SH3TC1: variants seen among roughly 807,000 people sequenced by gnomAD.
SH3TC1 encodes the protein SH3 domain and tetratricopeptide repeat-containing protein 1.
In SH3TC1, 135 loss-of-function variants were observed where a neutral mutation model predicts 117.3. The observed-to-expected ratio is 1.15, with a 90% CI of 1.00 to 1.33. The LOEUF is 1.33. Ranked by LOEUF, SH3TC1 falls within the 40% of genes most tolerant of loss-of-function variation. The probability of loss-of-function intolerance (pLI) is 0.00; values close to 1 mark genes in which losing one functional copy is unlikely to be tolerated. For missense variants in SH3TC1, 2,092 were observed against 1,794.3 expected (o/e 1.17, Z -3.00); for synonymous variants, 898 against 816.9 (o/e 1.10, Z -1.69).
At chr4:8,232,350 T>A in intron 13 of SH3TC1, 194 bp downstream of exon 13, 1 of 1,569,558 alleles carries the variant, frequency 6.4e-7, no homozygotes, top group South Asian at 1.1e-5. Context: ...AGTCCCAGCT[T>A]GAGCTTCCCT....
At position 8,212,742 on chromosome 4, in the gene SH3TC1, C is replaced by G; in HGVS notation, c.289C>G (p.Leu97Val). 1 of 1,612,932 alleles carries G rather than the reference C, an allele frequency of 6.2e-7. No homozygotes were observed. The highest frequency in any genetic ancestry group is 1.7e-5 in the Admixed American group (1 of 59,988). ...QLLAVRRKSR[L>V]RDPGLQQTLR... is the part of the protein sequence containing the mutation. The stretch of plus-strand genomic sequence containing the variant: ...GCTGGCTGTGCGGAGGAAGAGCAGA[C>G]TGCGGGACCCCGGCCTACAGCAGAC... Residue 97 changes from leucine (L) to valine (V), a missense_variant, in exon 4 of 18, where the codon CTG (leucine) becomes GTG (valine). Leu to Val is a conservative substitution (Grantham distance 32, BLOSUM62 1). Coordinates refer to ENST00000245105, the MANE Select transcript of SH3TC1 (RefSeq NM_018986.5).
At chr4:8,207,096 AAT>A (rs1554132374) in intron 2 of SH3TC1, among the ~76,000 whole-genome samples, 105 of 135,880 alleles carry the variant, frequency 7.7e-4, no homozygotes, top group South Asian at 1.2e-3. Flanking sequence ...AAAAAAAAAA[AAT>A]TCCTGGGTCA....
In SH3TC1 at chr4:8,205,329, A is replaced by T; in HGVS notation, c.135A>T (p.Lys45Asn). Reference sequence around the variant, plus strand: ...TGAGGCCCTCTGTGAGCTGGGAGAAAGCGGGGCCCGAGGAGGCCAAGGCGC... The same window carrying T: ...TGAGGCCCTCTGTGAGCTGGGAGAATGCGGGGCCCGAGGAGGCCAAGGCGC... ...VVMRPSVSWE[K>N]AGPEEAKAPV... is the part of the protein sequence containing the mutation. Residue 45 changes from lysine (K) to asparagine (N), a missense_variant, in exon 2 of 18, where the codon AAA (lysine) becomes AAT (asparagine). Coordinates refer to ENST00000245105, the MANE Select transcript of SH3TC1 (RefSeq NM_018986.5). This position sits in a 1 kb window ranked among gnomAD's most constrained non-coding sequence, Gnocchi z 5.4. 1 of 1,549,954 alleles carries T rather than the reference A, an allele frequency of 6.5e-7. No homozygotes were observed. The highest frequency in any genetic ancestry group is 1.4e-5 in the African/African-American group (1 of 73,116).
chr4:8,234,850 G>T (rs774502357), intron 14 of SH3TC1, among the ~76,000 whole-genome samples: 7 of 152,224 alleles, frequency 4.6e-5, no homozygotes, highest in African/African-American at 1.7e-4. Flanking sequence ...TGCTCCAAGC[G>T]ACATGTGGCA....
Position 8,235,448 on chromosome 4 carries a change from G to A in SH3TC1, c.3298G>A (p.Ala1100Thr). The change falls in exon 15 of 18, where the codon GCC becomes ACC. Residue 1100 changes from alanine to threonine, a missense_variant. Coordinates refer to ENST00000245105, the MANE Select transcript of SH3TC1 (RefSeq NM_018986.5). ...CTCCTTTCAGGTGGCACAGAACGTG[G>A]CCCTGTACACAGGCGACCCCAACCT... The part of the protein sequence containing the change: ...DLYIQVAQNV[A>T]LYTGDPNLGL... The A allele has an allele frequency of 6.4e-7, 1 of 1,567,242 alleles. No homozygotes were observed. The highest frequency in any genetic ancestry group is 1.2e-5 in the South Asian group (1 of 85,398).
intron 1 of SH3TC1, among the ~76,000 whole-genome samples, chr4:8,193,655 T>C (rs1452543688): frequency 6.6e-6 from 1 of 152,212 alleles, no homozygotes; most frequent in Non-Finnish European, 1.5e-5. Flanking sequence ...AAGCTCCTCC[T>C]GTGAGCAGCC....
Position 8,233,448 on chromosome 4 carries a change from T to C in SH3TC1, c.3217T>C (p.Trp1073Arg), listed in dbSNP as rs773079512. 7 of 1,613,930 alleles carry C rather than the reference T, an allele frequency of 4.3e-6. No homozygotes were observed. Among genetic ancestry groups the C allele is most frequent in the Middle Eastern group, 1.7e-4 (1 of 6,052 alleles). The change falls in exon 14 of 18, where the codon TGG becomes CGG. Residue 1073 changes from tryptophan (W) to arginine (R), a missense_variant. Trp to Arg is a moderately radical substitution (Grantham distance 101). Transcript: ENST00000245105. ...LQKKEKEAHA[W>R]LQAGKIYYIL... ...GAAGAAAGAGAAGGAGGCGCATGCC[T>C]GGCTGCAAGCAGGGAAGATCTATTA...
chr4:8,205,133 C>T lies in SH3TC1; in HGVS notation c.-28-34C>T, dbSNP rs1578654182. 7.0e-7 allele frequency: 1 copy of T among 1,432,772 alleles called. No homozygotes were observed. The highest frequency in any genetic ancestry group is 1.5e-5 in the South Asian group (1 of 65,558). The allele number at this position is 1,432,772 out of a possible 1,614,324, so 88.8% of individuals were successfully genotyped here. Reference sequence around the variant, plus strand: ...AACCTCCGTGCTGGTTCTGGAGGGGCCACCTCTCCTGACCACACCCCCTCT... The same window carrying T: ...AACCTCCGTGCTGGTTCTGGAGGGGTCACCTCTCCTGACCACACCCCCTCT... On this transcript the variant is annotated intron_variant, in intron 1 of 17. Coordinates refer to ENST00000245105, the MANE Select transcript of SH3TC1 (RefSeq NM_018986.5). This position sits in a 1 kb window ranked among gnomAD's most constrained non-coding sequence, Gnocchi z 5.4.
chr4:8,185,476 G>T (rs1040880942), intron 1 of SH3TC1, among the ~76,000 whole-genome samples: 1 of 151,826 alleles, frequency 6.6e-6, no homozygotes, highest in Non-Finnish European at 1.5e-5. Flanking sequence ...GTGGCTCACC[G>T]ACTCAGCTCC....
At chr4:8,231,846 G>C in intron 12 of SH3TC1, 130 bp from the exon 13 acceptor site, 1 of 1,056,048 alleles carries the variant, frequency 9.5e-7, no homozygotes, top group African/African-American at 1.6e-5. Flanking sequence ...TGTGCTCAGC[G>C]GTTCCCCGCC....
At chr4:8,195,945 A>G (rs1578639900), upstream of SH3TC1, among the ~76,000 whole-genome samples, 1 of 152,244 alleles carries the variant, frequency 6.6e-6, no homozygotes, top group South Asian at 2.1e-4. Context: ...GGCACAGGGC[A>G]GCCCCATCCC....
intron 15 of SH3TC1, 109 bp downstream of exon 15, chr4:8,235,664 A>G (rs1424722675): frequency 1.4e-6 from 2 of 1,389,728 alleles, no homozygotes; most frequent in African/African-American, 2.9e-5. Context: ...AGGGCCGCCC[A>G]TGCACATGCT....
At chr4:8,214,642 C>A in intron 5 of SH3TC1, 62 bp downstream of exon 5, 1 of 1,217,838 alleles carries the variant, frequency 8.2e-7, no homozygotes, top group Non-Finnish European at 1.2e-6. Flanking sequence ...GCTGGTTACA[C>A]ACCGTGCACT....
At chr4:8,194,306 GT>G (rs1459051921), upstream of SH3TC1, among the ~76,000 whole-genome samples, 2 of 152,222 alleles carry the variant, frequency 1.3e-5, no homozygotes, top group Non-Finnish European at 2.9e-5. Flanking sequence ...AACAGATTTG[GT>G]AGCTTCTTTG....
chr4:8,238,238 C>G (rs1721997355), intron 17 of SH3TC1, among the ~76,000 whole-genome samples: 1 of 152,060 alleles, frequency 6.6e-6, no homozygotes, highest in Non-Finnish European at 1.5e-5. Flanking sequence ...GCTTCACAGA[C>G]AGGGAAACCC....
rs552224084 is a variant in SH3TC1 at position 8,190,570 on chromosome 4, A to C, written c.-57+8360A>C. 2.7e-5 allele frequency among the ~76,000 whole-genome samples: 4 copies of C among 150,922 alleles called. 1 individual carries two copies. In the South Asian group the frequency reaches 8.5e-4, roughly 32 times the overall value. On this transcript the variant is annotated intron_variant, in intron 1 of 16. Coordinates refer to the SH3TC1 transcript ENST00000508641. This position sits in a 1 kb window ranked among gnomAD's most constrained non-coding sequence, Gnocchi z 4.7. Reference sequence around the variant, plus strand: ...TCATCTGGGACCTTCTCCTCTGTGCACTCTCTCGGTCACCCACACCCCACC... The same window carrying C: ...TCATCTGGGACCTTCTCCTCTGTGCCCTCTCTCGGTCACCCACACCCCACC...
In SH3TC1 at chr4:8,235,397, G is replaced by A. The variant is rs375612788; in HGVS notation, c.3283-36G>A. 4.1e-6 allele frequency: 6 copies of A among 1,451,880 alleles called. No homozygotes were observed. The African/African-American group carries it at 7.1e-5, about 17-fold the overall frequency. 89.9% of individuals were successfully genotyped at this position (1,451,880 alleles called of 1,614,324 possible). A position where few individuals can be genotyped will look rare whatever the true frequency, so the allele number is the denominator to read the frequency against. On this transcript the variant is annotated intron_variant, in intron 14 of 17. Transcript: ENST00000245105. The stretch of plus-strand genomic sequence containing the variant: ...CTGGGTGGGCGTGGCCACCTCACCA[G>A]GTGTGGGTCTTGAGGGAACTTCTGC...
chr4:8,239,375 ACACAGG>A (rs1160252497), intron 17 of SH3TC1, among the ~76,000 whole-genome samples: 1 of 149,668 alleles, frequency 6.7e-6, no homozygotes, highest in Non-Finnish European at 1.5e-5. Flanking sequence ...GCACACGCAC[ACACAGG>A]CACAGGCCCC....
chr4:8,192,235 C>T lies in SH3TC1; in HGVS notation c.-57+10025C>T, dbSNP rs1419010177. 6.6e-6 allele frequency among the ~76,000 whole-genome samples: 1 copy of T among 151,774 alleles called. No homozygotes were observed. The highest frequency in any genetic ancestry group is 6.6e-5 in the Admixed American group (1 of 15,232). The stretch of plus-strand genomic sequence containing the variant: ...TCCCGAACTCCTGACCTCAAGTGAT[C>T]TGCACCCCCCTCGGCCTCCCAAAGT... On this transcript the variant is annotated intron_variant, in intron 1 of 16. Transcript: ENST00000508641. The surrounding 1 kb of genome is among the most constrained non-coding windows in gnomAD (Gnocchi z 4.1).
Sources: allele counts gnomAD v4.1 joint callset (sites outside exome capture counted in the v4.1 genomes callset), GRCh38; gene constraint gnomAD v4.1.1; non-coding constraint Gnocchi (gnomAD v3.1); transcripts MANE v1.5; gene names NCBI Gene and HGNC (gene_info 2026-07-23, HGNC 2026-07-21).